The following ADGRL3 variants were observed in gnomAD, a reference collection of about 807,000 sequenced individuals.
The protein encoded by ADGRL3 is calcium-independent alpha-latrotoxin receptor 3.
ADGRL3 carries 62 observed loss-of-function variants against 153.5 expected under a neutral mutation model. The ratio of observed to expected loss-of-function variants is 0.40; its 90% CI spans 0.33 to 0.50. The LOEUF is 0.50. ADGRL3 is among the 20% of genes least tolerant of loss of function. The pLI is 0.47. For missense variants in ADGRL3, 1,641 were observed against 1,859.4 expected, an observed-to-expected ratio of 0.88 and a Z score of 2.16; for synonymous variants, 710 against 672.5, an observed-to-expected ratio of 1.06 and a Z score of -0.86.
chr4:61,813,543 T>G (rs2097654198), intron 8 of ADGRL3, among the ~76,000 whole-genome samples: 1 of 152,170 alleles, frequency 6.6e-6, no homozygotes, highest in South Asian at 2.1e-4. Flanking sequence ...TTTTATTGTG[T>G]TTTTAAAGTT....
At chr4:61,247,869 T>C (rs1979111) in intron 1 of ADGRL3, among the ~76,000 whole-genome samples, 32,773 of 151,964 alleles carry the variant, frequency 0.22, 3,589 homozygotes, top group South Asian at 0.28. Context: ...ATAACGATAC[T>C]TTATAGTAAC....
At chr4:61,407,131 C>T (rs1471142608) in intron 2 of ADGRL3, among the ~76,000 whole-genome samples, 1 of 151,880 alleles carries the variant, frequency 6.6e-6, no homozygotes, top group African/African-American at 2.4e-5. Context: ...TATTCAGTGC[C>T]TAAATCTGAA....
chr4:61,614,469 G>T (rs1227258169), intron 5 of ADGRL3, among the ~76,000 whole-genome samples: 2 of 152,118 alleles, frequency 1.3e-5, no homozygotes, highest in Non-Finnish European at 2.9e-5. Context: ...TGAGCAATCA[G>T]TTGGGATCCT....
At chr4:61,653,164 TCTCTCTCACACA>T (rs959407263) in intron 5 of ADGRL3, among the ~76,000 whole-genome samples, 2 of 107,478 alleles carry the variant, frequency 1.9e-5, no homozygotes, top group African/African-American at 7.2e-5. Context: ...TCTCTCTCTC[TCTCTCTCACACA>T]CACACACACA....
intron 9 of ADGRL3, among the ~76,000 whole-genome samples, chr4:61,860,820 T>C (rs1484158239): frequency 1.3e-5 from 2 of 152,220 alleles, no homozygotes; most frequent in African/African-American, 4.8e-5. Flanking sequence ...GTTATTATTA[T>C]CATCATCCTC....
At chr4:61,862,944 C>T (rs1290067297) in intron 9 of ADGRL3, among the ~76,000 whole-genome samples, 1 of 152,142 alleles carries the variant, frequency 6.6e-6, no homozygotes, top group East Asian at 1.9e-4. Flanking sequence ...CTAAATTCAG[C>T]TTCCTAAGTC....
At chr4:61,344,016 A>G (rs1447656549) in intron 1 of ADGRL3, among the ~76,000 whole-genome samples, 3 of 152,224 alleles carry the variant, frequency 2.0e-5, no homozygotes, top group Non-Finnish European at 4.4e-5. Context: ...AGATGGATTT[A>G]TGCAGCATAT....
chr4:61,365,295 T>G (rs1252574468), intron 1 of ADGRL3, among the ~76,000 whole-genome samples: 1 of 152,174 alleles, frequency 6.6e-6, no homozygotes, highest in African/African-American at 2.4e-5. Context: ...GAAGTTTAAC[T>G]GATTGTTCTA....
At chr4:61,296,481 T>C (rs192325127) in intron 1 of ADGRL3, among the ~76,000 whole-genome samples, 9 of 152,292 alleles carry the variant, frequency 5.9e-5, no homozygotes, top group Non-Finnish European at 7.4e-5. Context: ...TCAGTAGATA[T>C]GTGAAATAAA....
At chr4:61,622,900 T>G (rs775995254) in intron 5 of ADGRL3, among the ~76,000 whole-genome samples, 11 of 152,134 alleles carry the variant, frequency 7.2e-5, no homozygotes, top group Non-Finnish European at 1.3e-4. Context: ...ATAAAGAAAC[T>G]ATTATAATGT....
Position 61,566,284 on chromosome 4 carries a change from C to G in ADGRL3, c.260-20943C>G, listed in dbSNP as rs111955515. On this transcript the variant is annotated intron_variant, in intron 4 of 26. Transcript: ENST00000683033. ...GTCATTTCTCTGTGTGTGTCTGTGT[C>G]GAGATTTCCCCATCTTATAAAGACA... 8.3e-4 allele frequency among the ~76,000 whole-genome samples: 127 copies of G among 152,222 alleles called. 1 individual carries two copies. Among genetic ancestry groups the G allele is most frequent in the African/African-American group, 3.0e-3 (124 of 41,538 alleles).
At chr4:62,042,240 A>G (rs902908592) in intron 24 of ADGRL3, among the ~76,000 whole-genome samples, 1 of 152,004 alleles carries the variant, frequency 6.6e-6, no homozygotes, top group Non-Finnish European at 1.5e-5. Context: ...ATTAAATATT[A>G]GACATTAAAT....
At chr4:61,542,513 T>G (rs998168646) in intron 4 of ADGRL3, among the ~76,000 whole-genome samples, 1 of 152,224 alleles carries the variant, frequency 6.6e-6, no homozygotes, top group Non-Finnish European at 1.5e-5. Flanking sequence ...CTATGAAGGC[T>G]TGCATGTATT....
chr4:61,882,499 G>A (rs567912311), intron 9 of ADGRL3, among the ~76,000 whole-genome samples: 2 of 152,242 alleles, frequency 1.3e-5, no homozygotes, highest in South Asian at 4.1e-4. Context: ...CCTATTAAGT[G>A]AAAGTTGTAT....
At chr4:61,271,113 T>C (rs749381138) in intron 1 of ADGRL3, among the ~76,000 whole-genome samples, 2 of 151,766 alleles carry the variant, frequency 1.3e-5, no homozygotes, top group Non-Finnish European at 2.9e-5. Flanking sequence ...AGAATTCAAA[T>C]CTAGGTCTTC....
At chr4:61,343,375 G>A (rs541448655) in intron 1 of ADGRL3, among the ~76,000 whole-genome samples, 1 of 152,020 alleles carries the variant, frequency 6.6e-6, no homozygotes, top group African/African-American at 2.4e-5. Context: ...TAGGTTCCTG[G>A]GTCATCCTTT....
chr4:61,338,805 G>C (rs980278435), intron 1 of ADGRL3, among the ~76,000 whole-genome samples: 1 of 152,094 alleles, frequency 6.6e-6, no homozygotes, highest in African/African-American at 2.4e-5. Flanking sequence ...GTGAAAGTCA[G>C]CATCATAATG....
Position 61,759,005 on chromosome 4 carries a change from G to C in ADGRL3, c.1399+25451G>C, listed in dbSNP as rs1410789905. ...TTTTCTTTAAGAATGTTGAATATTG[G>C]CCCCCACTGTCTTCTGGCTTGTAGA... On this transcript the variant is annotated intron_variant, in intron 8 of 26. Coordinates refer to ENST00000683033, the MANE Select transcript of ADGRL3 (RefSeq NM_001387552.1). Among the ~76,000 whole-genome samples, 3 of 151,966 alleles carry C rather than the reference G, an allele frequency of 2.0e-5. No homozygotes were observed. In the East Asian group the frequency reaches 5.8e-4, roughly 29 times the overall value.
rs1247964980 is a variant in ADGRL3, at chr4:61,915,273, TATATAAATATATATCA to T, written c.2112+2522_2112+2537del. ...ATATACATATACATATATATCTGTA[TATATAAATATATATCA>T]ATATATATCTGTATATATAAATATA... On this transcript the variant is annotated intron_variant, in intron 13 of 26. Coordinates refer to ENST00000683033, the MANE Select transcript of ADGRL3 (RefSeq NM_001387552.1). Among the ~76,000 whole-genome samples the T allele has an allele frequency of 2.4e-3, 350 of 148,304 alleles. 1 individual carries two copies. The highest frequency in any genetic ancestry group is 8.3e-3 in the African/African-American group (338 of 40,906).
Sources: allele counts gnomAD v4.1 joint callset (sites outside exome capture counted in the v4.1 genomes callset), GRCh38; gene constraint gnomAD v4.1.1; transcripts MANE v1.5; gene names NCBI Gene and HGNC (gene_info 2026-07-23, HGNC 2026-07-21).